Variants in DLG2 observed in about 807,000 individuals in gnomAD.
DLG2 encodes the protein discs large MAGUK scaffold protein 2, also known as disks large homolog 2.
In DLG2, 45 loss-of-function variants were observed where a neutral mutation model predicts 132.5. The observed-to-expected ratio is 0.34, with a 90% confidence interval of 0.27 to 0.44. The LOEUF (loss-of-function observed/expected upper bound fraction) is 0.44. DLG2 is among the 20% of genes least tolerant of loss of function. The pLI, the probability that DLG2 is intolerant of heterozygous loss-of-function variation, is 1.00. For missense variants in DLG2, 1,045 were observed against 1,196.9 expected (o/e 0.87, Z 1.87); for synonymous variants, 424 against 419.6 (o/e 1.01, Z -0.13).
chr11:84,507,250 A>T (rs1396915968), intron 7 of DLG2, among the ~76,000 whole-genome samples: 1 of 152,210 alleles, frequency 6.6e-6, no homozygotes, highest in Non-Finnish European at 1.5e-5. Context: ...AGGGAGAAAC[A>T]GTTAAAAGAG....
At chr11:83,805,007 T>G (rs2045540955) in intron 17 of DLG2, among the ~76,000 whole-genome samples, 1 of 152,180 alleles carries the variant, frequency 6.6e-6, no homozygotes, top group African/African-American at 2.4e-5. Context: ...ATTTGTCTGA[T>G]TGTTTCTTCA....
In DLG2 at chr11:83,457,441, T is replaced by TA. The variant is rs930343363; in HGVS notation, c.*2376dup. Reference sequence around the variant, plus strand: ...ATCTATATATTTATATAAATCTACATAAAAAAATCAGTGCAAATGCCAATT... The same window carrying TA: ...ATCTATATATTTATATAAATCTACATAAAAAAAATCAGTGCAAATGCCAATT... On this transcript the variant is annotated 3_prime_UTR_variant, in exon 28 of 28. Coordinates refer to ENST00000376104, the MANE Select transcript of DLG2 (RefSeq NM_001142699.3). 13 of 152,620 alleles carry TA rather than the reference T, an allele frequency of 8.5e-5. No individual in the cohort carries two copies. The highest frequency in any genetic ancestry group is 1.9e-4 in the East Asian group (1 of 5,184). The allele number at this position is 152,620 out of a possible 1,614,324, so 9.5% of individuals were successfully genotyped here.
chr11:84,588,166 A>G (rs1424521971), intron 6 of DLG2, among the ~76,000 whole-genome samples: 2 of 152,078 alleles, frequency 1.3e-5, no homozygotes, highest in African/African-American at 2.4e-5. Context: ...TCTCCATTCA[A>G]CTAACATTTG....
chr11:84,352,488 A>C (rs1027046523), intron 7 of DLG2, among the ~76,000 whole-genome samples: 3 of 152,198 alleles, frequency 2.0e-5, no homozygotes, highest in Admixed American at 6.5e-5. Flanking sequence ...TAATATATCA[A>C]CTTGGCTAGG....
At chr11:85,455,851 G>T (rs947445775) in intron 3 of DLG2, among the ~76,000 whole-genome samples, 4 of 152,122 alleles carry the variant, frequency 2.6e-5, no homozygotes, top group African/African-American at 9.7e-5. Context: ...AGCCAAGCTT[G>T]CATCCCAGGG....
At chr11:84,692,051 A>C (rs886542713) in intron 6 of DLG2, among the ~76,000 whole-genome samples, 2 of 151,640 alleles carry the variant, frequency 1.3e-5, no homozygotes, top group South Asian at 4.1e-4. Flanking sequence ...TACTTATTGC[A>C]TGTTTTTCTC....
chr11:85,252,458 C>T (rs1261477895), intron 4 of DLG2, among the ~76,000 whole-genome samples: 2 of 152,116 alleles, frequency 1.3e-5, no homozygotes, highest in African/African-American at 4.8e-5. Flanking sequence ...TGGTGGCACA[C>T]ACCTGTAGTC....
intron 6 of DLG2, chr11:84,763,183 C>G (rs914724441): frequency 6.6e-6 from 1 of 152,176 alleles, no homozygotes; most frequent in African/African-American, 2.4e-5. Context: ...AGGAGCTCGA[C>G]AGCATTTTGA....
intron 6 of DLG2, among the ~76,000 whole-genome samples, chr11:84,885,715 T>A (rs2088159282): frequency 6.6e-6 from 1 of 152,062 alleles, no homozygotes; most frequent in Non-Finnish European, 1.5e-5. Context: ...TAGGTATTCA[T>A]GAAATGTGGC....
chr11:84,062,474 C>A (rs776471411), intron 10 of DLG2, among the ~76,000 whole-genome samples: 5 of 152,122 alleles, frequency 3.3e-5, no homozygotes, highest in African/African-American at 4.8e-5. Context: ...CAAAGATGTG[C>A]TCAAGTATTT....
intron 4 of DLG2, among the ~76,000 whole-genome samples, chr11:85,204,389 T>A (rs2081709765): frequency 6.6e-6 from 1 of 152,062 alleles, no homozygotes; most frequent in South Asian, 2.1e-4. Flanking sequence ...ATATGTTAAC[T>A]GCAATCAATC....
intron 19 of DLG2, chr11:83,631,694 TCTGAA>T (rs2063586896): frequency 6.6e-6 from 1 of 152,170 alleles, no homozygotes; most frequent in African/African-American, 2.4e-5. Flanking sequence ...TCTTCTAGTA[TCTGAA>T]CAATTTATGC....
At chr11:84,607,919 T>C (rs1202709450) in intron 6 of DLG2, among the ~76,000 whole-genome samples, 1 of 152,176 alleles carries the variant, frequency 6.6e-6, no homozygotes, top group Non-Finnish European at 1.5e-5. Flanking sequence ...AGTTCTTTAC[T>C]GCAGACATAA....
At chr11:84,765,518 C>T (rs1441278972) in intron 6 of DLG2, among the ~76,000 whole-genome samples, 1 of 151,990 alleles carries the variant, frequency 6.6e-6, no homozygotes, top group African/African-American at 2.4e-5. Flanking sequence ...AGAAATTGGA[C>T]AAACTACTGA....
At chr11:85,141,423 T>A (rs2076470267) in intron 5 of DLG2, among the ~76,000 whole-genome samples, 1 of 151,936 alleles carries the variant, frequency 6.6e-6, no homozygotes, top group Non-Finnish European at 1.5e-5. Flanking sequence ...TATTTGTTTT[T>A]TTTCCCATTG....
At chr11:84,197,158 T>A (rs1283554181) in intron 8 of DLG2, among the ~76,000 whole-genome samples, 2 of 152,014 alleles carry the variant, frequency 1.3e-5, no homozygotes, top group African/African-American at 4.8e-5. Flanking sequence ...AGTATTTTTA[T>A]ACTAAGCTAT....
chr11:85,418,729 T>TGA (rs1322635758), intron 3 of DLG2, among the ~76,000 whole-genome samples: 3 of 152,216 alleles, frequency 2.0e-5, no homozygotes, highest in Admixed American at 6.6e-5. Flanking sequence ...TCTTTGTTGG[T>TGA]TTATCAGAGA....
intron 9 of DLG2, among the ~76,000 whole-genome samples, chr11:84,107,322 A>G (rs1466596455): frequency 6.6e-6 from 1 of 152,094 alleles, no homozygotes; most frequent in Non-Finnish European, 1.5e-5. Context: ...TGCTGACATG[A>G]AAAGATCTTT....
At chr11:84,893,248 C>A (rs944972856) in intron 6 of DLG2, among the ~76,000 whole-genome samples, 2 of 152,156 alleles carry the variant, frequency 1.3e-5, no homozygotes, top group Non-Finnish European at 2.9e-5. Flanking sequence ...CATCTGGTGC[C>A]TAAGCACCAC....
Sources: allele counts gnomAD v4.1 joint callset (sites outside exome capture counted in the v4.1 genomes callset), GRCh38; gene constraint gnomAD v4.1.1; transcripts MANE v1.5; gene names NCBI Gene and HGNC (gene_info 2026-07-23, HGNC 2026-07-21).